Variants in RARB observed in about 807,000 individuals in gnomAD.
RARB encodes the protein HBV-activated protein.
In RARB, 17 loss-of-function variants were observed where a neutral mutation model predicts 51.9. The ratio of observed to expected loss-of-function variants is 0.33; its 90% CI spans 0.22 to 0.49. The LOEUF (loss-of-function observed/expected upper bound fraction) is 0.49, where lower values mean the gene tolerates loss of function less well. Ranked by LOEUF, RARB falls within the 20% of genes least tolerant of loss-of-function variation. The pLI is 0.99. For synonymous variants in RARB, 215 were observed against 195.4 expected (o/e 1.10, Z -0.84); for missense variants, 369 against 550.8 (o/e 0.67, Z 3.30).
Position 25,401,454 on chromosome 3 carries a change from A to G in RARB, c.179-59739A>G, listed in dbSNP as rs151174553. On this transcript the variant is annotated intron_variant, in intron 5 of 11. Coordinates refer to the RARB transcript ENST00000383772. ...CATACTAAGAAATAAGACCAGGAAA[A>G]AACAGATAATAAAACAGACCATAGG... Among the ~76,000 whole-genome samples, 285 of 152,334 alleles carry G rather than the reference A, an allele frequency of 1.9e-3. 2 individuals carry two copies. Among genetic ancestry groups the G allele is most frequent in the African/African-American group, 6.7e-3 (277 of 41,578 alleles).
intron 3 of RARB, among the ~76,000 whole-genome samples, chr3:25,510,028 C>A (rs1026807265): frequency 3.3e-5 from 5 of 152,158 alleles, no homozygotes; most frequent in Admixed American, 2.0e-4. Context: ...GGGAGGATAT[C>A]AGTGGTGCTG....
intron 2 of RARB, among the ~76,000 whole-genome samples, chr3:25,023,687 G>A (rs772129413): frequency 3.9e-5 from 6 of 152,172 alleles, no homozygotes; most frequent in Non-Finnish European, 8.8e-5. Context: ...GATGTGGTAT[G>A]TGGATGTTTG....
chr3:25,291,129 A>G (rs1345049302), intron 5 of RARB, among the ~76,000 whole-genome samples: 2 of 152,160 alleles, frequency 1.3e-5, no homozygotes, highest in African/African-American at 4.8e-5. Context: ...ACTATCTTTA[A>G]TATCCCTCCA....
chr3:24,944,760 T>C (rs1695739247), intron 2 of RARB, among the ~76,000 whole-genome samples: 1 of 152,232 alleles, frequency 6.6e-6, no homozygotes, highest in Non-Finnish European at 1.5e-5. Context: ...GGTACAAGCA[T>C]ATTCTTAACC....
At chr3:25,168,181 A>G (rs995121817) in intron 4 of RARB, among the ~76,000 whole-genome samples, 1 of 152,260 alleles carries the variant, frequency 6.6e-6, no homozygotes, top group Non-Finnish European at 1.5e-5. Flanking sequence ...TATAGTAAGC[A>G]GAATAAAACA....
At chr3:25,066,958 C>T (rs1559453785) in intron 3 of RARB, among the ~76,000 whole-genome samples, 1 of 152,120 alleles carries the variant, frequency 6.6e-6, no homozygotes, top group African/African-American at 2.4e-5. Flanking sequence ...CATTTCTCTC[C>T]AAAGCCCTGC....
At chr3:25,471,510 T>C (rs1285022354) in intron 2 of RARB, among the ~76,000 whole-genome samples, 4 of 149,914 alleles carry the variant, frequency 2.7e-5, no homozygotes, top group Non-Finnish European at 5.9e-5. Context: ...GAAAAATCTG[T>C]CTTTTTTTTT....
At chr3:24,974,066 A>G (rs1172157689) in intron 2 of RARB, among the ~76,000 whole-genome samples, 3 of 152,082 alleles carry the variant, frequency 2.0e-5, no homozygotes, top group Non-Finnish European at 4.4e-5. Context: ...TTCCCTGTAC[A>G]ATATGATGGT....
At chr3:25,054,083 T>C (rs574393992) in intron 2 of RARB, among the ~76,000 whole-genome samples, 1 of 152,200 alleles carries the variant, frequency 6.6e-6, no homozygotes, top group African/African-American at 2.4e-5. Flanking sequence ...CAGTACAGCT[T>C]GATCAAAGCT....
intron 1 of RARB, among the ~76,000 whole-genome samples, chr3:25,445,616 G>T (rs896645314): frequency 6.6e-6 from 1 of 152,036 alleles, no homozygotes; most frequent in Non-Finnish European, 1.5e-5. Flanking sequence ...GCAGTGAGCC[G>T]AGGTCGCGCC....
At chr3:25,211,529 G>A (rs1701697603) in intron 5 of RARB, among the ~76,000 whole-genome samples, 1 of 152,140 alleles carries the variant, frequency 6.6e-6, no homozygotes, top group Non-Finnish European at 1.5e-5. Context: ...AAAATACATA[G>A]AACATTTTCT....
Position 25,007,592 on chromosome 3 carries a change from C to CAAAAAAAAAAAAAA in RARB, c.-379-52521_-379-52520insAAAAAAAAAAAAAA, listed in dbSNP as rs759589176. On this transcript the variant is annotated intron_variant, in intron 2 of 11. Coordinates refer to the RARB transcript ENST00000383772. ...CCTGGGCAACAGAGTGAGACTGTCT[C>CAAAAAAAAAAAAAA]AAAAAAAAAAAACAAAAAAACCTCA... 7.9e-4 allele frequency among the ~76,000 whole-genome samples: 36 copies of CAAAAAAAAAAAAAA among 45,382 alleles called. 1 individual carries two copies. The highest frequency in any genetic ancestry group is 1.1e-3 in the African/African-American group (10 of 9,462). 29.8% of individuals were successfully genotyped at this position (45,382 alleles called of 152,430 possible).
rs575731651 is a variant in RARB, at chr3:25,400,568, A to C, written c.179-60625A>C. On this transcript the variant is annotated intron_variant, in intron 5 of 11. Transcript: ENST00000383772. ...TGGGAGTCTTGAACTAAATATTTAA[A>C]ATAAACAAAGAAGAGAATAAGAATG... 5.3e-5 allele frequency among the ~76,000 whole-genome samples: 8 copies of C among 152,352 alleles called. No individual in the cohort carries two copies. The East Asian group carries it at 1.5e-3, about 29-fold the overall frequency.
chr3:24,915,424 G>A (rs1299142944), intron 2 of RARB, among the ~76,000 whole-genome samples: 1 of 151,990 alleles, frequency 6.6e-6, no homozygotes, highest in East Asian at 1.9e-4. Flanking sequence ...TACACTTACA[G>A]TATATCTCAA....
chr3:25,268,820 CT>C (rs968691228), intron 5 of RARB, among the ~76,000 whole-genome samples: 28 of 152,282 alleles, frequency 1.8e-4, no homozygotes, highest in African/African-American at 6.5e-4. Context: ...CTCTTACCTG[CT>C]TTTTCTTCTT....
At chr3:25,480,025 T>A (rs1168246706) in intron 2 of RARB, among the ~76,000 whole-genome samples, 1 of 152,244 alleles carries the variant, frequency 6.6e-6, no homozygotes, top group Non-Finnish European at 1.5e-5. Flanking sequence ...CACAACAGAC[T>A]CAATTTTGAT....
At chr3:25,365,995 T>A (rs1399413860) in intron 5 of RARB, among the ~76,000 whole-genome samples, 1 of 152,216 alleles carries the variant, frequency 6.6e-6, no homozygotes, top group East Asian at 1.9e-4. Flanking sequence ...ACCATTTTTT[T>A]AAAACACCAC....
At chr3:25,170,764 T>G (rs1700630675) in intron 4 of RARB, among the ~76,000 whole-genome samples, 1 of 152,134 alleles carries the variant, frequency 6.6e-6, no homozygotes, top group Admixed American at 6.5e-5. Context: ...CACAATTATA[T>G]ACATACAGAG....
chr3:25,196,383 C>G (rs878992072), intron 5 of RARB, among the ~76,000 whole-genome samples: 1 of 152,086 alleles, frequency 6.6e-6, no homozygotes, highest in Admixed American at 6.6e-5. Context: ...ATCCATGTCC[C>G]TACAAAAGAC....
Sources: gnomAD v4.1 joint callset for allele counts (sites outside exome capture counted in the v4.1 genomes callset) on GRCh38, gnomAD v4.1.1 for gene constraint, MANE v1.5 for transcripts, NCBI Gene and HGNC (gene_info 2026-07-23, HGNC 2026-07-21) for gene names.